DCLK2: variants seen among roughly 807,000 people sequenced by gnomAD.
DCLK2 encodes the protein serine/threonine-protein kinase DCLK2.
Under a neutral mutation model 78.4 loss-of-function variants are expected in DCLK2, and 31 were observed. The ratio of observed to expected loss-of-function variants is 0.40; its 90% CI spans 0.30 to 0.53. DCLK2 has a LOEUF of 0.53. Ranked by LOEUF, DCLK2 falls within the 20% of genes least tolerant of loss-of-function variation. The pLI, the probability that DCLK2 is intolerant of heterozygous loss-of-function variation, is 0.61. For synonymous variants in DCLK2, 407 were observed against 374.9 expected (o/e 1.09, Z -0.99); for missense variants, 872 against 973.7 (o/e 0.90, Z 1.39).
chr4:150,172,771 G>T (rs201467948), intron 2 of DCLK2, among the ~76,000 whole-genome samples: 7 of 133,866 alleles, frequency 5.2e-5, no homozygotes, highest in Non-Finnish European at 9.5e-5. Context: ...GGGGGGGGGG[G>T]GGATACCTTG....
At chr4:150,098,464 A>G (rs952749816) in intron 1 of DCLK2, among the ~76,000 whole-genome samples, 2 of 152,186 alleles carry the variant, frequency 1.3e-5, no homozygotes, top group African/African-American at 4.8e-5. Flanking sequence ...TGCTTTATCT[A>G]CTTATGAAAA....
At chr4:150,188,616 C>T (rs1244571414) in intron 2 of DCLK2, among the ~76,000 whole-genome samples, 1 of 151,898 alleles carries the variant, frequency 6.6e-6, no homozygotes, top group African/African-American at 2.4e-5. Context: ...TAAGAAGATC[C>T]AAGGGCCGGG....
intron 1 of DCLK2, among the ~76,000 whole-genome samples, chr4:150,097,616 T>C (rs1730557418): frequency 6.6e-6 from 1 of 152,222 alleles, no homozygotes; most frequent in Non-Finnish European, 1.5e-5. Context: ...ATATATGCAG[T>C]AATGCAAAGT....
chr4:150,152,864 T>C (rs548866067), intron 2 of DCLK2, among the ~76,000 whole-genome samples: 59 of 152,338 alleles, frequency 3.9e-4, no homozygotes, highest in South Asian at 8.3e-4. Flanking sequence ...TGGAATAGGC[T>C]TGTGGAACAA....
intron 5 of DCLK2, among the ~76,000 whole-genome samples, chr4:150,216,553 C>T (rs970135743): frequency 2.6e-5 from 4 of 152,070 alleles, no homozygotes; most frequent in Non-Finnish European, 4.4e-5. Context: ...GCAGGAGAAT[C>T]GCTTGAACCC....
At chr4:150,224,404 C>CAA (rs112965015) in intron 7 of DCLK2, 97 bp from the exon 8 acceptor site, 8,382 of 893,818 alleles carry the variant, frequency 9.4e-3, no homozygotes, top group South Asian at 0.011. Context: ...CTCATCTCTA[C>CAA]AAAAAAAAAA....
intron 2 of DCLK2, among the ~76,000 whole-genome samples, chr4:150,147,017 C>T (rs1734521936): frequency 6.6e-6 from 1 of 152,030 alleles, no homozygotes; most frequent in Non-Finnish European, 1.5e-5. Context: ...AGTGTGGTGG[C>T]TCATGCCTAT....
chr4:150,228,793 G>A lies in DCLK2; in HGVS notation c.1300-3544G>A, dbSNP rs563799584. 7.2e-5 allele frequency among the ~76,000 whole-genome samples: 11 copies of A among 152,262 alleles called. No homozygotes were observed. The East Asian group carries it at 7.7e-4, about 11-fold the overall frequency. ...TGTAATCCCAGCACTTTGGGAGGCC[G>A]AGGCGGGTGGATCATGAGGTCAGGA... On this transcript the variant is annotated intron_variant, in intron 8 of 15. Transcript: ENST00000296550.
rs138911298 is a variant in DCLK2 at position 150,254,604 on chromosome 4, G to A, written c.2074-1416G>A. ...GGCTCTCTGCTTCCCATGTAGGTGGGAGCATCTTTTAGTGGAGTTTTCCAC... is the reference window on the plus strand; with the variant it reads ...GGCTCTCTGCTTCCCATGTAGGTGGAAGCATCTTTTAGTGGAGTTTTCCAC... On this transcript the variant is annotated intron_variant, in intron 15 of 15. Coordinates refer to ENST00000296550, the MANE Select transcript of DCLK2 (RefSeq NM_001040260.4). 1.6e-3 allele frequency among the ~76,000 whole-genome samples: 242 copies of A among 152,304 alleles called. 1 individual carries two copies. The highest frequency in any genetic ancestry group is 0.015 in the East Asian group (79 of 5,182).
chr4:150,157,576 G>A (rs145099039), intron 2 of DCLK2, among the ~76,000 whole-genome samples: 2,531 of 147,710 alleles, frequency 0.017, 32 homozygotes, highest in South Asian at 0.045. Context: ...GCAGTGGTGT[G>A]ATCTCGGCTC....
At chr4:150,132,771 C>T (rs1047763606) in intron 2 of DCLK2, among the ~76,000 whole-genome samples, 2 of 152,088 alleles carry the variant, frequency 1.3e-5, no homozygotes, top group African/African-American at 4.8e-5. Context: ...TTTTAAATTT[C>T]TTATAGAGAC....
chr4:150,239,895 T>G lies in DCLK2; in HGVS notation c.1700+20T>G. The G allele has an allele frequency of 6.3e-7, 1 of 1,596,232 alleles. No individual in the cohort carries two copies. The highest frequency in any genetic ancestry group is 1.1e-5 in the South Asian group (1 of 89,624). Reference sequence around the variant, plus strand: ...AACTGGGTAAGACTTCTGGTGGCCCTGGTTAGTACTTTAACTTTGATGAGA... The same window carrying G: ...AACTGGGTAAGACTTCTGGTGGCCCGGGTTAGTACTTTAACTTTGATGAGA... On this transcript the variant is annotated intron_variant, in intron 11 of 15. Transcript: ENST00000296550.
In DCLK2 at chr4:150,242,115, C is replaced by T. The variant is rs371289295; in HGVS notation, c.1778+1639C>T. Among the ~76,000 whole-genome samples, 4 of 152,312 alleles carry T rather than the reference C, an allele frequency of 2.6e-5. No individual in the cohort carries two copies. The South Asian group carries it at 8.3e-4, about 32-fold the overall frequency. On this transcript the variant is annotated intron_variant, in intron 12 of 15. Transcript: ENST00000296550. ...TTTAAAATTCTCGGTTTTCCCATTG[C>T]GTTGAACAATTTTCTAATTGGCATT... is the stretch of plus-strand genomic sequence containing the variant.
intron 5 of DCLK2, 63 bp from the exon 6 acceptor site, chr4:150,220,640 C>T (rs770606043): frequency 4.3e-5 from 59 of 1,368,036 alleles, no homozygotes; most frequent in African/African-American, 8.6e-5. Context: ...TGTGTGTCAA[C>T]GGATTAGTTA....
chr4:150,185,363 A>G (rs1251906456), intron 2 of DCLK2, among the ~76,000 whole-genome samples: 5 of 152,126 alleles, frequency 3.3e-5, no homozygotes, highest in Non-Finnish European at 2.9e-5. Flanking sequence ...AGTTTGGATT[A>G]CAATTCAAGA....
chr4:150,078,992 G>T lies in DCLK2; in HGVS notation c.-36G>T. On this transcript the variant is annotated 5_prime_UTR_variant, in exon 1 of 16. Transcript: ENST00000296550. ...GGCGCTCGCACCCTTAGTCGGCCCG[G>T]AACGTCTTTTTGCGGACGCCCTCGG... The T allele has an allele frequency of 1.3e-6, 2 of 1,506,434 alleles. No individual in the cohort carries two copies. Among genetic ancestry groups the T allele is most frequent in the Non-Finnish European group, 1.8e-6 (2 of 1,131,158 alleles). The allele number at this position is 1,506,434 out of a possible 1,614,324, so 93.3% of individuals were successfully genotyped here.
intron 4 of DCLK2, among the ~76,000 whole-genome samples, 169 bp from the exon 5 acceptor site, chr4:150,203,626 G>A (rs1739617444): frequency 8.1e-6 from 1 of 124,212 alleles, no homozygotes; most frequent in Non-Finnish European, 1.7e-5. Flanking sequence ...TGTCTGTAAT[G>A]CAGTAAGATA....
At chr4:150,215,520 A>G (rs1740630350) in intron 5 of DCLK2, among the ~76,000 whole-genome samples, 1 of 152,188 alleles carries the variant, frequency 6.6e-6, no homozygotes, top group Non-Finnish European at 1.5e-5. Context: ...TTTATTATAA[A>G]GGATATTATG....
At chr4:150,245,279 C>G (rs988724963) in intron 12 of DCLK2, among the ~76,000 whole-genome samples, 1 of 152,190 alleles carries the variant, frequency 6.6e-6, no homozygotes, top group Non-Finnish European at 1.5e-5. Flanking sequence ...TCTTGCCTGG[C>G]CCAGTTATCT....
Sources: allele counts gnomAD v4.1 joint callset (sites outside exome capture counted in the v4.1 genomes callset), GRCh38; gene constraint gnomAD v4.1.1; transcripts MANE v1.5; gene names NCBI Gene and HGNC (gene_info 2026-07-23, HGNC 2026-07-21).